Variants in TSHZ2 observed in about 807,000 individuals in gnomAD.
The protein encoded by TSHZ2 is teashirt homolog 2.
Under a neutral mutation model 74.4 loss-of-function variants are expected in TSHZ2, and 21 were observed. That is an observed-to-expected ratio of 0.28 (90% CI 0.20 to 0.41). The LOEUF (loss-of-function observed/expected upper bound fraction) is 0.41. Ranked by LOEUF, TSHZ2 falls within the 10% of genes least tolerant of loss-of-function variation. The pLI is 1.00. For synonymous variants in TSHZ2, 540 were observed against 515.3 expected (o/e 1.05, Z -0.65); for missense variants, 1,244 against 1,293.5 (o/e 0.96, Z 0.59).
chr20:53,197,877 G>C (rs1399588464), intron 1 of TSHZ2, among the ~76,000 whole-genome samples: 1 of 152,132 alleles, frequency 6.6e-6, no homozygotes, highest in African/African-American at 2.4e-5. Context: ...AAAACAACAA[G>C]CAAACCCAGG....
chr20:53,263,251 G>A (rs1990637872), intron 2 of TSHZ2, among the ~76,000 whole-genome samples: 2 of 152,174 alleles, frequency 1.3e-5, no homozygotes, highest in Non-Finnish European at 2.9e-5. Flanking sequence ...GACTTGCCAT[G>A]GAATCATCTC....
intron 1 of TSHZ2, among the ~76,000 whole-genome samples, chr20:53,186,147 G>T (rs1428176216): frequency 6.6e-6 from 1 of 152,220 alleles, no homozygotes; most frequent in Admixed American, 6.5e-5. Flanking sequence ...GAAGGCTGGG[G>T]CCAGCTTGTG....
rs1422904944 is a variant in TSHZ2 at position 53,489,153 on chromosome 20, A to T, written c.*2018A>T. On this transcript the variant is annotated 3_prime_UTR_variant, in exon 3 of 3. Coordinates refer to ENST00000371497, the MANE Select transcript of TSHZ2 (RefSeq NM_173485.6). ...AGTACAACGGGGTGGCTTTTATGGG[A>T]TTTACTCATGGGCATAGGGAATAGC... 4 of 456,198 alleles carry T rather than the reference A, an allele frequency of 8.8e-6. No homozygotes were observed. Among genetic ancestry groups the T allele is most frequent in the Non-Finnish European group, 1.8e-5 (4 of 226,962 alleles). 28.3% of individuals were successfully genotyped at this position (456,198 alleles called of 1,614,324 possible). A position where few individuals can be genotyped will look rare whatever the true frequency, so the allele number is the denominator to read the frequency against.
chr20:53,279,457 T>C (rs938284644), intron 2 of TSHZ2, among the ~76,000 whole-genome samples: 2 of 152,248 alleles, frequency 1.3e-5, no homozygotes, highest in African/African-American at 4.8e-5. Context: ...TCTTACTTTG[T>C]TGGCCCTATG....
intron 2 of TSHZ2, among the ~76,000 whole-genome samples, chr20:53,345,475 A>G (rs1359082252): frequency 2.0e-5 from 3 of 152,132 alleles, no homozygotes; most frequent in Admixed American, 1.3e-4. Context: ...GTAAGAAATC[A>G]TAGAGGAAGG....
intron 1 of TSHZ2, among the ~76,000 whole-genome samples, chr20:53,022,576 A>G (rs1252793777): frequency 6.6e-6 from 1 of 152,184 alleles, no homozygotes. Flanking sequence ...TTAAAAATAT[A>G]TCTGCACCGT....
Position 53,019,698 on chromosome 20 carries a change from C to A in TSHZ2, c.40+46365C>A, listed in dbSNP as rs574127308. Among the ~76,000 whole-genome samples, 153 of 152,278 alleles carry A rather than the reference C, an allele frequency of 1.0e-3. 1 individual carries two copies. Among genetic ancestry groups the A allele is most frequent in the African/African-American group, 3.6e-3 (149 of 41,564 alleles). ...ATCCTCGTGGGCAAGTTGCCTACTT[C>A]CTCCAAGCCTCCGTTCTTGTTTGTA... is the stretch of plus-strand genomic sequence containing the variant. On this transcript the variant is annotated intron_variant, in intron 1 of 2. Transcript: ENST00000371497.
intron 1 of TSHZ2, among the ~76,000 whole-genome samples, chr20:53,093,673 C>T (rs1410290980): frequency 1.3e-5 from 2 of 152,302 alleles, no homozygotes; most frequent in Admixed American, 1.3e-4. Context: ...TTATCATTCT[C>T]TTACCATAAC....
intron 2 of TSHZ2, among the ~76,000 whole-genome samples, chr20:53,273,946 A>G (rs1392931199): frequency 6.6e-6 from 1 of 152,146 alleles, no homozygotes; most frequent in Non-Finnish European, 1.5e-5. Flanking sequence ...CAAGCATGCC[A>G]TCACTGCCCA....
intron 1 of TSHZ2, among the ~76,000 whole-genome samples, chr20:53,014,843 C>T (rs900230481): frequency 3.9e-5 from 6 of 152,174 alleles, no homozygotes; most frequent in Non-Finnish European, 8.8e-5. Flanking sequence ...CCCAGTACAA[C>T]GCTTCGTACA....
At chr20:53,056,173 C>T (rs185147257) in intron 1 of TSHZ2, among the ~76,000 whole-genome samples, 7 of 152,280 alleles carry the variant, frequency 4.6e-5, no homozygotes, top group Admixed American at 2.6e-4. Flanking sequence ...TAATAAATTC[C>T]ATGCTTCAGC....
intron 1 of TSHZ2, among the ~76,000 whole-genome samples, chr20:53,111,016 T>C (rs1986519414): frequency 6.6e-6 from 1 of 152,110 alleles, no homozygotes; most frequent in Non-Finnish European, 1.5e-5. Context: ...CTATCTGTGG[T>C]TTTCAAAAAG....
At chr20:53,035,351 A>G (rs1158542177) in intron 1 of TSHZ2, among the ~76,000 whole-genome samples, 2 of 152,134 alleles carry the variant, frequency 1.3e-5, no homozygotes, top group South Asian at 2.1e-4. Context: ...GAAAGAGGCA[A>G]TGCAGCAGAG....
intron 2 of TSHZ2, among the ~76,000 whole-genome samples, chr20:53,407,539 G>T (rs1982896139): frequency 6.6e-6 from 1 of 152,192 alleles, no homozygotes; most frequent in South Asian, 2.1e-4. Flanking sequence ...TCGTGGAAAT[G>T]AAGAGGATCA....
At chr20:53,278,200 C>T (rs1990983671) in intron 2 of TSHZ2, among the ~76,000 whole-genome samples, 1 of 152,186 alleles carries the variant, frequency 6.6e-6, no homozygotes, top group Non-Finnish European at 1.5e-5. Context: ...GAAAGCCTAT[C>T]TAAATCAGTT....
chr20:53,485,196 A>G (rs1452309520), intron 2 of TSHZ2, among the ~76,000 whole-genome samples: 1 of 152,240 alleles, frequency 6.6e-6, no homozygotes, highest in African/African-American at 2.4e-5. Flanking sequence ...AGCATACAGA[A>G]AAGCTTGAAA....
chr20:53,186,102 A>T (rs1988591917), intron 1 of TSHZ2, among the ~76,000 whole-genome samples: 1 of 152,144 alleles, frequency 6.6e-6, no homozygotes, highest in Admixed American at 6.5e-5. Context: ...GCTCTTATTA[A>T]CTTGATTCAT....
chr20:53,423,400 C>CAAACA (rs111966687), intron 2 of TSHZ2, among the ~76,000 whole-genome samples: 6,965 of 152,086 alleles, frequency 0.046, 318 homozygotes, highest in African/African-American at 0.12. Flanking sequence ...AACAAACAAA[C>CAAACA]AAAAAAGGCT....
chr20:53,072,450 C>A (rs568922691), intron 1 of TSHZ2, among the ~76,000 whole-genome samples: 292 of 152,318 alleles, frequency 1.9e-3, no homozygotes, highest in African/African-American at 6.9e-3. Flanking sequence ...ATGCTCACAG[C>A]TGCTCTGCAG....
Sources: allele counts gnomAD v4.1 joint callset (sites outside exome capture counted in the v4.1 genomes callset), GRCh38; gene constraint gnomAD v4.1.1; transcripts MANE v1.5; gene names NCBI Gene and HGNC (gene_info 2026-07-23, HGNC 2026-07-21).